ERBB4: variants seen among roughly 807,000 people sequenced by gnomAD.
ERBB4 encodes the protein receptor tyrosine-protein kinase erbB-4.
In ERBB4, 42 loss-of-function variants were observed where a neutral mutation model predicts 158.0. That is an observed-to-expected ratio of 0.27 (90% CI 0.21 to 0.34). The LOEUF is 0.34. Ranked by LOEUF, ERBB4 falls within the 10% of genes least tolerant of loss-of-function variation. The pLI, the probability that ERBB4 is intolerant of heterozygous loss-of-function variation, is 1.00. For synonymous variants in ERBB4, 583 were observed against 558.7 expected (o/e 1.04, Z -0.61); for missense variants, 1,333 against 1,624.1 (o/e 0.82, Z 3.08).
chr2:211,429,335 A>T (rs1010867972), intron 21 of ERBB4, among the ~76,000 whole-genome samples: 2 of 152,258 alleles, frequency 1.3e-5, no homozygotes, highest in South Asian at 4.1e-4. Flanking sequence ...AACGCCTAAA[A>T]TCATGAATTC....
intron 19 of ERBB4, among the ~76,000 whole-genome samples, chr2:211,618,707 T>C (rs1221248232): frequency 6.6e-6 from 1 of 152,150 alleles, no homozygotes; most frequent in Non-Finnish European, 1.5e-5. Context: ...GCAAATACTT[T>C]GTAAATATTA....
At chr2:212,077,671 G>A (rs576576379) in intron 2 of ERBB4, among the ~76,000 whole-genome samples, 38 of 152,000 alleles carry the variant, frequency 2.5e-4, no homozygotes, top group African/African-American at 9.1e-4. Flanking sequence ...GCAAGCAGGG[G>A]ACTTAAGAGA....
chr2:212,103,100 C>A (rs980275584), intron 2 of ERBB4, among the ~76,000 whole-genome samples: 1 of 152,134 alleles, frequency 6.6e-6, no homozygotes. Context: ...GCTTACTGGA[C>A]TTCTTTCTCT....
intron 2 of ERBB4, among the ~76,000 whole-genome samples, chr2:212,038,235 T>A (rs2077059309): frequency 6.6e-6 from 1 of 152,008 alleles, no homozygotes; most frequent in South Asian, 2.1e-4. Flanking sequence ...TCCTAGAATA[T>A]AATCTATTAT....
At chr2:211,655,861 A>T (rs1419319632) in intron 16 of ERBB4, among the ~76,000 whole-genome samples, 1 of 152,178 alleles carries the variant, frequency 6.6e-6, no homozygotes, top group Non-Finnish European at 1.5e-5. Context: ...TCACAGTGCC[A>T]CTGTTGTAGA....
At chr2:212,202,655 A>G (rs1436306622) in intron 1 of ERBB4, among the ~76,000 whole-genome samples, 1 of 152,154 alleles carries the variant, frequency 6.6e-6, no homozygotes, top group African/African-American at 2.4e-5. Context: ...ATATTTAAAT[A>G]TATGTATTAA....
chr2:212,241,751 T>C (rs916322183), intron 1 of ERBB4, among the ~76,000 whole-genome samples: 7 of 152,156 alleles, frequency 4.6e-5, no homozygotes, highest in Non-Finnish European at 8.8e-5. Context: ...ATTATTTCTA[T>C]TTTCCATTTA....
chr2:211,567,933 G>A (rs555108560), intron 19 of ERBB4, among the ~76,000 whole-genome samples: 2 of 151,860 alleles, frequency 1.3e-5, no homozygotes, highest in African/African-American at 4.8e-5. Flanking sequence ...ATAGAGTGTC[G>A]GCTTTCAATA....
intron 2 of ERBB4, among the ~76,000 whole-genome samples, chr2:212,014,799 A>G (rs569074528): frequency 2.6e-5 from 4 of 151,990 alleles, no homozygotes; most frequent in South Asian, 2.1e-4. Context: ...TAATAAAATC[A>G]TGGCTGAATG....
chr2:211,652,252 G>T (rs1024201167), intron 16 of ERBB4, among the ~76,000 whole-genome samples: 6 of 152,282 alleles, frequency 3.9e-5, no homozygotes, highest in African/African-American at 1.4e-4. Flanking sequence ...AAGTCATGTG[G>T]AAAAGAAGAG....
At chr2:211,649,048 C>T (rs1574921925) in intron 16 of ERBB4, among the ~76,000 whole-genome samples, 3 of 151,834 alleles carry the variant, frequency 2.0e-5, no homozygotes, top group African/African-American at 4.8e-5. Context: ...ATTAGTTTAT[C>T]TGATGTATTT....
chr2:211,823,293 T>G (rs572834579), intron 3 of ERBB4, among the ~76,000 whole-genome samples: 1 of 152,042 alleles, frequency 6.6e-6, no homozygotes, highest in South Asian at 2.1e-4. Context: ...AAAGAAAATA[T>G]TCAAAATTAC....
At chr2:212,437,343 C>A (rs780504877) in intron 1 of ERBB4, among the ~76,000 whole-genome samples, 1 of 151,992 alleles carries the variant, frequency 6.6e-6, no homozygotes, top group Admixed American at 6.6e-5. Context: ...TGGTAAAGTT[C>A]TCAGCTGGAG....
chr2:211,976,123 G>A (rs919137241), intron 2 of ERBB4, among the ~76,000 whole-genome samples: 1 of 152,036 alleles, frequency 6.6e-6, no homozygotes, highest in Non-Finnish European at 1.5e-5. Flanking sequence ...ACTCATGGGA[G>A]GTTTACACAT....
At chr2:211,498,794 A>G (rs2065541332) in intron 20 of ERBB4, among the ~76,000 whole-genome samples, 1 of 152,194 alleles carries the variant, frequency 6.6e-6, no homozygotes. Context: ...GAAGGCTGAG[A>G]GACAGAAGCT....
intron 5 of ERBB4, among the ~76,000 whole-genome samples, chr2:211,734,338 G>A (rs2074530285): frequency 6.6e-6 from 1 of 152,058 alleles, no homozygotes; most frequent in Non-Finnish European, 1.5e-5. Context: ...TGATGAGGGT[G>A]AAGAATTGGG....
chr2:212,217,075 G>T (rs1246977646), intron 1 of ERBB4, among the ~76,000 whole-genome samples: 2 of 151,324 alleles, frequency 1.3e-5, no homozygotes, highest in Non-Finnish European at 3.0e-5. Flanking sequence ...CAGACAATTA[G>T]CAACCAATGG....
intron 4 of ERBB4, among the ~76,000 whole-genome samples, chr2:211,778,120 G>A (rs59804958): frequency 2.0e-5 from 3 of 152,040 alleles, no homozygotes; most frequent in Non-Finnish European, 2.9e-5. Context: ...GAGAAGCCAC[G>A]GCAGGATTGA....
intron 1 of ERBB4, among the ~76,000 whole-genome samples, chr2:212,169,525 G>T (rs2081449604): frequency 6.6e-6 from 1 of 152,052 alleles, no homozygotes; most frequent in Non-Finnish European, 1.5e-5. Flanking sequence ...ACAGATTAAA[G>T]ACTTAAATGT....
Sources: allele counts gnomAD v4.1 joint callset (sites outside exome capture counted in the v4.1 genomes callset), GRCh38; gene constraint gnomAD v4.1.1; transcripts MANE v1.5; gene names NCBI Gene and HGNC (gene_info 2026-07-23, HGNC 2026-07-21).